Variants in CHML observed in about 807,000 individuals in gnomAD.
CHML encodes the protein rab proteins geranylgeranyltransferase component A 2.
In CHML, 20 loss-of-function variants were observed where a neutral mutation model predicts 30.4. The ratio of observed to expected loss-of-function variants is 0.66; its 90% CI spans 0.46 to 0.95. The LOEUF is 0.95. Ranked by LOEUF, CHML falls within the 40% of genes least tolerant of loss-of-function variation. The pLI, the probability that CHML is intolerant of heterozygous loss-of-function variation, is 0.00. For synonymous variants in CHML, 281 were observed against 275.0 expected (o/e 1.02, Z -0.22); for missense variants, 795 against 768.5 (o/e 1.03, Z -0.41).
rs1315662767 is a variant in CHML, at chr1:241,630,951, G to C, written c.*2845C>G. The C allele has an allele frequency of 6.6e-6, 1 of 151,848 alleles. No homozygotes were observed. Among genetic ancestry groups the C allele is most frequent in the African/African-American group, 2.4e-5 (1 of 41,326 alleles). The allele number at this position is 151,848 out of a possible 1,614,324, so 9.4% of individuals were successfully genotyped here. A position where few individuals can be genotyped will look rare whatever the true frequency, so the allele number is the denominator to read the frequency against. On this transcript the variant is annotated 3_prime_UTR_variant, in exon 2 of 2. Coordinates refer to ENST00000366553, the MANE Select transcript of CHML (RefSeq NM_001381853.1). Reference sequence around the variant, plus strand: ...TTGCCAATATTTTATTTTGCATTTTGCATCTGTTGAGAATAAAATCCTTCT... The same window carrying C: ...TTGCCAATATTTTATTTTGCATTTTCCATCTGTTGAGAATAAAATCCTTCT...
In CHML at chr1:241,633,946, G is replaced by A. The variant is rs1258965735; in HGVS notation, c.1821C>T (p.Cys607=). ...FQEIFPTEEF[C]PPPPNPEDII... is the part of the protein sequence containing the mutation. ...TGTCTTCTGGATTTGGAGGTGGAGG[G>A]CAGAATTCTTCAGTTGGAAAGATCT... Residue 607 remains cysteine, a synonymous_variant, in exon 2 of 2, where the codon TGC becomes TGT. Transcript: ENST00000366553. 13 of 1,613,892 alleles carry A rather than the reference G, an allele frequency of 8.1e-6. No individual in the cohort carries two copies. The highest frequency in any genetic ancestry group is 4.5e-5 in the East Asian group (2 of 44,872).
Position 241,633,361 on chromosome 1 carries a change from G to A in CHML, c.*435C>T, listed in dbSNP as rs1664721966. 6.1e-6 allele frequency: 1 copy of A among 163,846 alleles called. No individual in the cohort carries two copies. The allele number at this position is 163,846 out of a possible 1,614,324, so 10.1% of individuals were successfully genotyped here. A position where few individuals can be genotyped will look rare whatever the true frequency, so the allele number is the denominator to read the frequency against. On this transcript the variant is annotated 3_prime_UTR_variant, in exon 2 of 2. Transcript: ENST00000366553. ...AAGATCCACATAATTTACCATTTGT[G>A]TATGTTTCACTATTCGAACAGGCCG...
At position 241,635,639 on chromosome 1, in the gene CHML, T is replaced by C. The variant is rs1664867338; in HGVS notation, c.128A>G (p.Tyr43Cys). 1 of 1,614,088 alleles carries C rather than the reference T, an allele frequency of 6.2e-7. No individual in the cohort carries two copies. The highest frequency in any genetic ancestry group is 8.5e-7 in the Non-Finnish European group (1 of 1,179,930). The change falls in exon 2 of 2, where the codon TAT (tyrosine) becomes TGT (cysteine). Residue 43 changes from tyrosine to cysteine, a missense_variant. Tyr to Cys is a radical substitution (Grantham distance 194). Transcript: ENST00000366553. Reference protein sequence around the residue: ...RVLHIDSRSYYGGNWASFSFS... With the variant: ...RVLHIDSRSYCGGNWASFSFS... Reference sequence around the variant, plus strand: ...GCTGAAACTAGCCCAGTTTCCTCCATAGTAGCTTCTTGAATCAATATGCAG... The same window carrying C: ...GCTGAAACTAGCCCAGTTTCCTCCACAGTAGCTTCTTGAATCAATATGCAG...
rs759595678 is a variant in CHML, at chr1:241,640,129, C to T, written c.-555G>A. 4.4e-6 allele frequency: 7 copies of T among 1,593,036 alleles called. No homozygotes were observed. The Admixed American group carries it at 1.2e-4, about 28-fold the overall frequency. On this transcript the variant is annotated 5_prime_UTR_variant, in exon 1 of 2. Transcript: ENST00000366553. ...TGGAGCCCAGCAGCAGCGCCAGGCG[C>T]TCGTAGGTGCCGGGGCTGAAGAGGG...
At chr1:241,637,817 C>G (rs551708144) in intron 1 of CHML, among the ~76,000 whole-genome samples, 1 of 152,330 alleles carries the variant, frequency 6.6e-6, no homozygotes, top group South Asian at 2.1e-4. Flanking sequence ...AGGATCCACT[C>G]TTGTGCCATC....
In CHML at chr1:241,631,053, A is replaced by G. The variant is rs1664615813; in HGVS notation, c.*2743T>C. ...GCATACTGTCCTTCATGATACATGG[A>G]TAGACATTATTTAAACATTTGAAAA... On this transcript the variant is annotated 3_prime_UTR_variant, in exon 2 of 2. Transcript: ENST00000366553. 1 of 152,018 alleles carries G rather than the reference A, an allele frequency of 6.6e-6. No homozygotes were observed. The highest frequency in any genetic ancestry group is 6.5e-5 in the Admixed American group (1 of 15,276). 9.4% of individuals were successfully genotyped at this position (152,018 alleles called of 1,614,324 possible). A position where few individuals can be genotyped will look rare whatever the true frequency, so the allele number is the denominator to read the frequency against.
Position 241,640,175 on chromosome 1 carries a change from G to T in CHML, c.-601C>A, listed in dbSNP as rs779906110. 1 of 1,411,026 alleles carries T rather than the reference G, an allele frequency of 7.1e-7. No individual in the cohort carries two copies. The highest frequency in any genetic ancestry group is 1.6e-5 in the South Asian group (1 of 63,248). The allele number at this position is 1,411,026 out of a possible 1,614,324, so 87.4% of individuals were successfully genotyped here. ...GAGGGGCGCGGGGCTCAGTGTCCCCGCCGGCGCCGGCCCCTCAGCGCCCGC... is the reference window on the plus strand; with the variant it reads ...GAGGGGCGCGGGGCTCAGTGTCCCCTCCGGCGCCGGCCCCTCAGCGCCCGC... On this transcript the variant is annotated 5_prime_UTR_variant, in exon 1 of 2. Coordinates refer to ENST00000366553, the MANE Select transcript of CHML (RefSeq NM_001381853.1).
chr1:241,639,851 G>C (rs1665048047), intron 1 of CHML, 31 bp downstream of exon 1: 5 of 1,485,052 alleles, frequency 3.4e-6, no homozygotes, highest in Non-Finnish European at 4.5e-6. Flanking sequence ...AGTTTGCAGA[G>C]GGGAGGCTGC....
intron 1 of CHML, among the ~76,000 whole-genome samples, chr1:241,639,565 T>C (rs369473338): frequency 6.6e-6 from 1 of 151,612 alleles, no homozygotes; most frequent in South Asian, 2.1e-4. Context: ...TGAGTGATCT[T>C]AGGAGGTAAA....
chr1:241,639,842 G>C (rs1204697532), intron 1 of CHML, 40 bp downstream of exon 1: 1 of 1,453,980 alleles, frequency 6.9e-7, no homozygotes, highest in Non-Finnish European at 9.1e-7. Flanking sequence ...GGGAGTGGAA[G>C]TTTGCAGAGG....
rs142583417 is a variant in CHML at position 241,637,209 on chromosome 1, C to T, written c.-307-1136G>A. ...CTACTGAAATATAAATCAGTACAAG[C>T]TGTACCTGTCTAGCCCAAGATGACT... On this transcript the variant is annotated intron_variant, in intron 1 of 1. Transcript: ENST00000366553. Among the ~76,000 whole-genome samples, 548 of 152,352 alleles carry T rather than the reference C, an allele frequency of 3.6e-3. 1 individual carries two copies. The highest frequency in any genetic ancestry group is 0.012 in the African/African-American group (519 of 41,576).
In CHML at chr1:241,632,765, G is replaced by A. The variant is rs1664695196; in HGVS notation, c.*1031C>T. 1.3e-5 allele frequency: 2 copies of A among 152,098 alleles called. No individual in the cohort carries two copies. Among genetic ancestry groups the A allele is most frequent in the Admixed American group, 1.3e-4 (2 of 15,276 alleles). 9.4% of individuals were successfully genotyped at this position (152,098 alleles called of 1,614,324 possible). A position where few individuals can be genotyped will look rare whatever the true frequency, so the allele number is the denominator to read the frequency against. On this transcript the variant is annotated 3_prime_UTR_variant, in exon 2 of 2. Transcript: ENST00000366553. ...TGTTATAGTGATATTAATTAAAGTG[G>A]TAGAGCCAACAAGGTGGTATGTTTC... is the stretch of plus-strand genomic sequence containing the variant.
rs538044891 is a variant in CHML at position 241,633,853 on chromosome 1, T to C, written c.1914A>G (p.Leu638=). 5.1e-5 allele frequency: 83 copies of C among 1,613,926 alleles called. No individual in the cohort carries two copies. The South Asian group carries it at 8.1e-4, about 16-fold the overall frequency. Reference sequence around the variant, plus strand: ...GGTTTTTGCTTTCCTCAGAGGATTCTAGTTTGGCCATTACTACATTATTGG... The same window carrying C: ...GGTTTTTGCTTTCCTCAGAGGATTCCAGTTTGGCCATTACTACATTATTGG... The part of the protein sequence containing the change: ...PGTNNVVMAK[L]ESSEESKNLE... The change falls in exon 2 of 2, where the codon CTA becomes CTG. Residue 638 remains leucine (L), a synonymous_variant. Transcript: ENST00000366553.
intron 1 of CHML, among the ~76,000 whole-genome samples, chr1:241,638,878 C>G (rs1459680862): frequency 2.6e-5 from 4 of 152,000 alleles, no homozygotes; most frequent in Admixed American, 2.0e-4. Context: ...CCAAACCTAC[C>G]AAGATTAAAG....
Position 241,633,623 on chromosome 1 carries a change from G to T in CHML, c.*173C>A. 1 of 689,004 alleles carries T rather than the reference G, an allele frequency of 1.5e-6. No individual in the cohort carries two copies. The highest frequency in any genetic ancestry group is 2.4e-6 in the Non-Finnish European group (1 of 417,200). 42.7% of individuals were successfully genotyped at this position (689,004 alleles called of 1,614,324 possible). A position where few individuals can be genotyped will look rare whatever the true frequency, so the allele number is the denominator to read the frequency against. ...TTCAATAATCAATAAATCACTCATT[G>T]ATAGGTTAACAAAGATATTCAATGC... On this transcript the variant is annotated 3_prime_UTR_variant, in exon 2 of 2. Coordinates refer to ENST00000366553, the MANE Select transcript of CHML (RefSeq NM_001381853.1).
chr1:241,634,711 A>G lies in CHML; in HGVS notation c.1056T>C (p.Thr352=). 1.9e-6 allele frequency: 3 copies of G among 1,614,030 alleles called. No homozygotes were observed. Among genetic ancestry groups the G allele is most frequent in the Non-Finnish European group, 2.5e-6 (3 of 1,179,900 alleles). Reference sequence around the variant, plus strand: ...TAGTTGCGTTAAGACCATCTATTGTAGTGCAAGATGATTCTGATGTCATTG... The same window carrying G: ...TAGTTGCGTTAAGACCATCTATTGTGGTGCAAGATGATTCTGATGTCATTG... ...SIAMTSESSC[T]TIDGLNATKN... Residue 352 remains threonine, a synonymous_variant, in exon 2 of 2, where the codon ACT becomes ACC. Coordinates refer to ENST00000366553, the MANE Select transcript of CHML (RefSeq NM_001381853.1).
intron 1 of CHML, among the ~76,000 whole-genome samples, chr1:241,638,375 G>A (rs1270321085): frequency 1.3e-5 from 2 of 152,108 alleles, no homozygotes; most frequent in African/African-American, 2.4e-5. Flanking sequence ...AAAGAACTCA[G>A]TACACCCTTG....
rs1205360502 is a variant in CHML, at chr1:241,635,539, C to A, written c.228G>T (p.Trp76Cys). The A allele has an allele frequency of 6.2e-7, 1 of 1,614,012 alleles. No homozygotes were observed. Among genetic ancestry groups the A allele is most frequent in the South Asian group, 1.1e-5 (1 of 91,082 alleles). ...CTTCTGTTTCATGGATCAGGTCCTGCCATACAACAGTACTTTCTTCCCCAA... is the reference window on the plus strand; with the variant it reads ...CTTCTGTTTCATGGATCAGGTCCTGACATACAACAGTACTTTCTTCCCCAA... The part of the protein sequence containing the change: ...NDIGEESTVV[W>C]QDLIHETEEA... The change falls in exon 2 of 2, where the codon TGG becomes TGT. Residue 76 changes from tryptophan to cysteine, a missense_variant. Transcript: ENST00000366553.
rs1448422792 is a variant in CHML, at chr1:241,630,639, A to T, written c.*3157T>A. 2.6e-5 allele frequency: 4 copies of T among 152,088 alleles called. No homozygotes were observed. The highest frequency in any genetic ancestry group is 1.9e-4 in the East Asian group (1 of 5,204). The allele number at this position is 152,088 out of a possible 1,614,324, so 9.4% of individuals were successfully genotyped here. On this transcript the variant is annotated 3_prime_UTR_variant, in exon 2 of 2. Transcript: ENST00000366553. ...ATGACAGGTCTCTTTAACCATATAT[A>T]AAAATAGTGCCAACACTGTTTACTT...
Sources: allele counts gnomAD v4.1 joint callset (sites outside exome capture counted in the v4.1 genomes callset), GRCh38; gene constraint gnomAD v4.1.1; transcripts MANE v1.5; gene names NCBI Gene and HGNC (gene_info 2026-07-23, HGNC 2026-07-21).